PSPH: variants seen among roughly 807,000 people sequenced by gnomAD.
PSPH encodes the protein phosphoserine phosphatase, also known as L-3-phosphoserine phosphatase.
A neutral mutation model predicts 23.4 loss-of-function variants in PSPH; 16 were observed. That is an observed-to-expected ratio of 0.68 (90% CI 0.46 to 1.04). The LOEUF is 1.04. Ranked by LOEUF, PSPH falls within the 50% of genes least tolerant of loss-of-function variation. The pLI is 0.00. For missense variants in PSPH, 223 were observed against 273.7 expected, an observed-to-expected ratio of 0.81 and a Z score of 1.31; for synonymous variants, 68 against 99.7, an observed-to-expected ratio of 0.68 and a Z score of 1.89.
chr7:56,049,063 G>A (rs1793625068), intron 1 of PSPH, among the ~76,000 whole-genome samples: 1 of 151,684 alleles, frequency 6.6e-6, no homozygotes, highest in Non-Finnish European at 1.5e-5. Flanking sequence ...GGAACTACAC[G>A]CACCCGCCAC....
At chr7:56,039,241 GGAAACTTTAAAAA>G (rs1792159079) in intron 1 of PSPH, among the ~76,000 whole-genome samples, 1 of 151,368 alleles carries the variant, frequency 6.6e-6, no homozygotes, top group Non-Finnish European at 1.5e-5. Flanking sequence ...AATAGCCACT[GGAAACTTTAAAAA>G]GAGACTATCA....
intron 1 of PSPH, among the ~76,000 whole-genome samples, chr7:56,043,668 T>A (rs376131985): frequency 9.5e-4 from 7 of 7,392 alleles, no homozygotes; most frequent in African/African-American, 2.5e-3. Flanking sequence ...CCCCAACCCC[T>A]GTCTCTACAA....
At chr7:56,042,570 G>A (rs1305860640) in intron 1 of PSPH, among the ~76,000 whole-genome samples, 5 of 151,714 alleles carry the variant, frequency 3.3e-5, no homozygotes, top group African/African-American at 1.2e-4. Context: ...AGGAAAGCTT[G>A]AGCCCAGGAG....
At chr7:56,032,453 C>G (rs1230764666) in intron 2 of PSPH, among the ~76,000 whole-genome samples, 2 of 148,086 alleles carry the variant, frequency 1.4e-5, no homozygotes, top group Admixed American at 6.7e-5. Flanking sequence ...GAGGTCAGAT[C>G]AGGACCATCC....
chr7:56,025,155 C>A (rs1006370610), intron 3 of PSPH, among the ~76,000 whole-genome samples: 2 of 152,032 alleles, frequency 1.3e-5, no homozygotes, highest in Non-Finnish European at 2.9e-5. Context: ...ATAATTTATG[C>A]CCATCACGAT....
At chr7:56,034,885 TATTTTTA>T (rs962625430) in intron 1 of PSPH, among the ~76,000 whole-genome samples, 1 of 151,356 alleles carries the variant, frequency 6.6e-6, no homozygotes, top group Non-Finnish European at 1.5e-5. Flanking sequence ...ACCTTACTTT[TATTTTTA>T]ATTTTTATTT....
At chr7:56,043,632 C>T (rs1792836566) in intron 1 of PSPH, among the ~76,000 whole-genome samples, 1 of 151,802 alleles carries the variant, frequency 6.6e-6, no homozygotes, top group African/African-American at 2.4e-5. Context: ...GCCTGGGCAA[C>T]ATGAGACCAC....
chr7:56,019,095 A>G (rs1788972216), intron 5 of PSPH, among the ~76,000 whole-genome samples: 1 of 152,118 alleles, frequency 6.6e-6, no homozygotes, highest in South Asian at 2.1e-4. Context: ...GTAAGCCATG[A>G]TTATACTACT....
chr7:56,024,085 G>A (rs1372943727), intron 3 of PSPH, among the ~76,000 whole-genome samples: 2 of 151,904 alleles, frequency 1.3e-5, no homozygotes, highest in Non-Finnish European at 2.9e-5. Flanking sequence ...CTGCCACCAC[G>A]CCCGGCTAAT....
intron 3 of PSPH, among the ~76,000 whole-genome samples, chr7:56,031,127 C>G (rs1274374829): frequency 1.3e-5 from 2 of 151,104 alleles, no homozygotes; most frequent in African/African-American, 4.9e-5. Flanking sequence ...AGGAGAATGG[C>G]GTGAACCCGG....
At chr7:56,011,937 G>T in intron 7 of PSPH, 68 bp from the exon 8 acceptor site, 1 of 1,283,682 alleles carries the variant, frequency 7.8e-7, no homozygotes, top group Non-Finnish European at 1.1e-6. Context: ...TTGGAGTCTC[G>T]CTCTGTCACC....
At chr7:56,044,761 G>A (rs1584510160) in intron 1 of PSPH, among the ~76,000 whole-genome samples, 1 of 151,656 alleles carries the variant, frequency 6.6e-6, no homozygotes, top group East Asian at 2.0e-4. Context: ...TGATTGTGCC[G>A]CTGCACTTTA....
Position 56,017,303 on chromosome 7 carries a change from G to T in PSPH, c.352C>A (p.His118Asn). The change falls in exon 6 of 8, where the codon CAT becomes AAT. Residue 118 changes from histidine to asparagine, a missense_variant. Coordinates refer to ENST00000275605, the MANE Select transcript of PSPH (RefSeq NM_004577.4). ...GGGATATTGAGCTTTGAAGCAACAT[G>T]CTCTACAATACTCCTAAAGCCACCA... is the stretch of plus-strand genomic sequence containing the variant. ...ISGGFRSIVE[H>N]VASKLNIPAT... The T allele has an allele frequency of 6.2e-7, 1 of 1,613,650 alleles. No individual in the cohort carries two copies. The highest frequency in any genetic ancestry group is 8.5e-7 in the Non-Finnish European group (1 of 1,179,822).
At chr7:56,022,619 G>A (rs1325599800) in intron 3 of PSPH, among the ~76,000 whole-genome samples, 1 of 152,200 alleles carries the variant, frequency 6.6e-6, no homozygotes. Flanking sequence ...GCAGGTCCTA[G>A]GGCCAGGCTA....
intron 1 of PSPH, among the ~76,000 whole-genome samples, chr7:56,048,026 C>T (rs1793486913): frequency 6.6e-6 from 1 of 151,890 alleles, no homozygotes; most frequent in South Asian, 2.1e-4. Context: ...TGCCTGTAAT[C>T]CCGGCACTTT....
chr7:56,049,299 CT>C (rs1373940355), intron 1 of PSPH, among the ~76,000 whole-genome samples: 1 of 152,118 alleles, frequency 6.6e-6, no homozygotes, highest in Non-Finnish European at 1.5e-5. Context: ...CTCCCACCCC[CT>C]GACAGGTCCC....
chr7:56,031,877 C>T (rs1266992160), intron 3 of PSPH, 52 bp downstream of exon 3: 1 of 153,402 alleles, frequency 6.5e-6, no homozygotes, highest in Non-Finnish European at 1.5e-5. Flanking sequence ...AAAAACATTA[C>T]AATGACAGCA....
chr7:56,044,918 C>T (rs1364861655), intron 1 of PSPH, among the ~76,000 whole-genome samples: 2 of 145,722 alleles, frequency 1.4e-5, no homozygotes, highest in Admixed American at 6.9e-5. Flanking sequence ...TACTAAAATA[C>T]AAAATTAGCT....
chr7:56,041,385 G>C (rs373939805), intron 1 of PSPH, among the ~76,000 whole-genome samples: 260 of 151,620 alleles, frequency 1.7e-3, no homozygotes, highest in African/African-American at 6.0e-3. Context: ...GCTAATTTTT[G>C]TATTTTTAGT....
Sources: allele counts gnomAD v4.1 joint callset (sites outside exome capture counted in the v4.1 genomes callset), GRCh38; gene constraint gnomAD v4.1.1; transcripts MANE v1.5; gene names NCBI Gene and HGNC (gene_info 2026-07-23, HGNC 2026-07-21).